STAB2: variants seen among roughly 807,000 people sequenced by gnomAD.
STAB2 encodes the protein stabilin-2.
Under a neutral mutation model 338.1 loss-of-function variants are expected in STAB2, and 288 were observed. The ratio of observed to expected loss-of-function variants is 0.85; its 90% CI spans 0.77 to 0.94. STAB2 has a LOEUF of 0.94. Among genes scored for constraint, STAB2 ranks in the 40% least tolerant of loss-of-function variants. The probability of loss-of-function intolerance (pLI) is 0.00; values close to 1 mark genes in which losing one functional copy is unlikely to be tolerated. For missense variants in STAB2, 3,141 were observed against 3,210.1 expected (o/e 0.98, Z 0.52); for synonymous variants, 1,202 against 1,193.3 (o/e 1.01, Z -0.15).
At chr12:103,600,414 C>A (rs2138559631) in intron 3 of STAB2, among the ~76,000 whole-genome samples, 1 of 152,320 alleles carries the variant, frequency 6.6e-6, no homozygotes, top group East Asian at 1.9e-4. Context: ...GTGGCTGAAA[C>A]AACAGATGTT....
chr12:103,643,898 C>G (rs1333133360), intron 9 of STAB2, among the ~76,000 whole-genome samples: 1 of 132,332 alleles, frequency 7.6e-6, no homozygotes, highest in Non-Finnish European at 1.6e-5. Context: ...GCCCGGCCGC[C>G]CCTACTGGGA....
rs1310513794 is a variant in STAB2 at position 103,669,611 on chromosome 12, G to A, written c.2243G>A (p.Cys748Tyr). 6.2e-7 allele frequency: 1 copy of A among 1,613,990 alleles called. No homozygotes were observed. The highest frequency in any genetic ancestry group is 1.3e-5 in the African/African-American group (1 of 74,920). The part of the protein sequence containing the change: ...NQCPGGFSNP[C>Y]SGNGQCADSL... ...TGTCCAGGAGGCTTCTCAAATCCAT[G>A]CTCAGGAAATGGACAGGTGAATACT... Residue 748 changes from cysteine to tyrosine, a missense_variant, in exon 21 of 69, where the codon TGC becomes TAC. Coordinates refer to ENST00000388887, the MANE Select transcript of STAB2 (RefSeq NM_017564.10).
At chr12:103,650,398 G>T in intron 10 of STAB2, 98 bp from the exon 11 acceptor site, 1 of 900,942 alleles carries the variant, frequency 1.1e-6, no homozygotes, top group East Asian at 2.6e-5. Flanking sequence ...GGGCATAAAT[G>T]GACCGGTCGT....
At chr12:103,708,673 A>T in intron 39 of STAB2, 137 bp downstream of exon 39, 2 of 805,172 alleles carry the variant, frequency 2.5e-6, no homozygotes, top group Non-Finnish European at 3.9e-6. Flanking sequence ...TGCAGCAAAA[A>T]GTTTGTAAAA....
At chr12:103,761,222 A>G (rs1262835074) in intron 65 of STAB2, 78 bp from the exon 66 acceptor site, 2 of 1,389,030 alleles carry the variant, frequency 1.4e-6, no homozygotes, top group Admixed American at 3.5e-5. Flanking sequence ...GGGCCTTGGG[A>G]AAATTGAACA....
At chr12:103,654,918 AT>A (rs547008988) in intron 13 of STAB2, 224 of 583,224 alleles carry the variant, frequency 3.8e-4, no homozygotes, top group Middle Eastern at 1.3e-3. Context: ...AAAGATCTGG[AT>A]TTTTTTTTAC....
chr12:103,599,383 C>T (rs1956922652), intron 3 of STAB2, among the ~76,000 whole-genome samples: 1 of 152,194 alleles, frequency 6.6e-6, no homozygotes, highest in Non-Finnish European at 1.5e-5. Context: ...TGGGTGCCTG[C>T]TCTGCCTGGG....
At chr12:103,685,215 C>A in intron 27 of STAB2, 131 bp downstream of exon 27, 1 of 835,544 alleles carries the variant, frequency 1.2e-6, no homozygotes, top group Non-Finnish European at 1.8e-6. Flanking sequence ...AGCTGTTTCT[C>A]ACAGATGACA....
At position 103,765,846 on chromosome 12, in the gene STAB2, G is replaced by A. The variant is rs188573346; in HGVS notation, c.7606-440G>A. ...CGCGAGCCACCATGCCCGGCTGAGC[G>A]GGGTTTCTATTACACTCTCTCAGGC... On this transcript the variant is annotated intron_variant, in intron 68 of 68. Transcript: ENST00000388887. Among the ~76,000 whole-genome samples, 887 of 152,242 alleles carry A rather than the reference G, an allele frequency of 5.8e-3. 15 individuals are homozygous for A. Among genetic ancestry groups the A allele is most frequent in the Non-Finnish European group, 4.8e-3 (326 of 68,008 alleles).
At chr12:103,666,232 C>A in intron 18 of STAB2, 59 bp from the exon 19 acceptor site, 1 of 1,545,302 alleles carries the variant, frequency 6.5e-7, no homozygotes, top group East Asian at 2.3e-5. Flanking sequence ...GCCACAGGAC[C>A]ATCGCCACTG....
intron 67 of STAB2, 99 bp downstream of exon 67, chr12:103,762,501 C>A: frequency 6.4e-7 from 1 of 1,573,614 alleles, no homozygotes; most frequent in East Asian, 2.2e-5. Context: ...AGAGTCCTCA[C>A]CCAGAAGCAG....
At chr12:103,620,821 G>C (rs1245749099) in intron 4 of STAB2, among the ~76,000 whole-genome samples, 2 of 152,192 alleles carry the variant, frequency 1.3e-5, no homozygotes, top group East Asian at 3.9e-4. Context: ...TTTGAGGCTG[G>C]GAGCAGTGGC....
intron 57 of STAB2, chr12:103,746,365 A>T: frequency 5.1e-6 from 2 of 392,066 alleles, no homozygotes; most frequent in Non-Finnish European, 9.4e-6. Flanking sequence ...ATTTTTTCTC[A>T]TATAAATCTC....
chr12:103,675,603 C>T (rs1169653579), intron 23 of STAB2, among the ~76,000 whole-genome samples: 1 of 152,260 alleles, frequency 6.6e-6, no homozygotes, highest in Non-Finnish European at 1.5e-5. Context: ...CTGCTAAACG[C>T]TCAGTGTGCA....
chr12:103,687,155 C>T (rs1231923888), intron 27 of STAB2, among the ~76,000 whole-genome samples: 3 of 152,154 alleles, frequency 2.0e-5, no homozygotes, highest in Non-Finnish European at 4.4e-5. Flanking sequence ...AATATTTTCA[C>T]ATATATTAAT....
At position 103,766,379 on chromosome 12, in the gene STAB2, G is replaced by A. The variant is rs114266966; in HGVS notation, c.*43G>A. The A allele has an allele frequency of 6.4e-4, 1,010 of 1,575,552 alleles. 7 individuals carry two copies. The African/African-American group carries it at 0.012, about 19-fold the overall frequency. On this transcript the variant is annotated 3_prime_UTR_variant, in exon 69 of 69. Coordinates refer to ENST00000388887, the MANE Select transcript of STAB2 (RefSeq NM_017564.10). ...GCCAGCCATCACTCACTGCCACCTG[G>A]GCCATCAACTGTGAATTCTCAGCAC...
intron 68 of STAB2, among the ~76,000 whole-genome samples, chr12:103,764,431 T>C (rs1337168024): frequency 6.6e-6 from 1 of 152,188 alleles, no homozygotes; most frequent in Admixed American, 6.5e-5. Context: ...CTAGAGTCAG[T>C]GATGCTTTAG....
intron 58 of STAB2, 75 bp from the exon 59 acceptor site, chr12:103,748,888 T>C (rs1391520504): frequency 6.7e-7 from 1 of 1,483,978 alleles, no homozygotes; most frequent in Non-Finnish European, 9.1e-7. Flanking sequence ...AGTGCTGTGG[T>C]GCCCCATACC....
chr12:103,705,529 CT>C (rs1879268805), intron 36 of STAB2, 102 bp from the exon 37 acceptor site: 2 of 895,282 alleles, frequency 2.2e-6, no homozygotes, highest in Non-Finnish European at 1.8e-6. Context: ...TCCCACAACA[CT>C]TTAGTCAGAG....
Sources: gnomAD v4.1 joint callset for allele counts (sites outside exome capture counted in the v4.1 genomes callset) on GRCh38, gnomAD v4.1.1 for gene constraint, MANE v1.5 for transcripts, NCBI Gene and HGNC (gene_info 2026-07-23, HGNC 2026-07-21) for gene names.